MACROD2: variants seen among roughly 807,000 people sequenced by gnomAD.
MACROD2 encodes the protein mono-ADP ribosylhydrolase 2, also known as ADP-ribose glycohydrolase MACROD2.
In MACROD2, 36 loss-of-function variants were observed where a neutral mutation model predicts 70.4. The ratio of observed to expected loss-of-function variants is 0.51; its 90% CI spans 0.39 to 0.68. The LOEUF (loss-of-function observed/expected upper bound fraction) is 0.68, where lower values mean the gene tolerates loss of function less well. Ranked by LOEUF, MACROD2 falls within the 30% of genes least tolerant of loss-of-function variation. The pLI is 0.00. For missense variants in MACROD2, 496 were observed against 538.4 expected, an observed-to-expected ratio of 0.92 and a Z score of 0.78; for synonymous variants, 172 against 178.8, an observed-to-expected ratio of 0.96 and a Z score of 0.30.
Position 14,002,319 on chromosome 20 carries a change from A to C in MACROD2, c.78A>C (p.Arg26Ser). The C allele has an allele frequency of 6.2e-7, 1 of 1,608,900 alleles. No individual in the cohort carries two copies. The highest frequency in any genetic ancestry group is 8.5e-7 in the Non-Finnish European group (1 of 1,178,152). ...ERLLKMTLEE[R>S]RKEYLRDYIP... Reference sequence around the variant, plus strand: ...TATTGAAGATGACCTTAGAAGAGAGACGCAAAGAATACCTAAGAGACTATA... The same window carrying C: ...TATTGAAGATGACCTTAGAAGAGAGCCGCAAAGAATACCTAAGAGACTATA... Residue 26 changes from arginine (R) to serine (S), a missense_variant, in exon 2 of 18, where the codon AGA becomes AGC. By Grantham distance (110) the Arg-to-Ser change is moderately radical. Transcript: ENST00000684519.
chr20:15,010,102 C>G (rs190283471), intron 5 of MACROD2, among the ~76,000 whole-genome samples: 18 of 152,100 alleles, frequency 1.2e-4, no homozygotes, highest in African/African-American at 4.3e-4. Flanking sequence ...GAGGGGTATG[C>G]CATGATGATA....
chr20:14,455,104 T>C (rs915844099), intron 3 of MACROD2, among the ~76,000 whole-genome samples: 11 of 151,826 alleles, frequency 7.2e-5, no homozygotes, highest in African/African-American at 2.4e-4. Flanking sequence ...ACAAAACACA[T>C]ACAAATATGA....
At chr20:15,596,865 A>G (rs1210005545) in intron 8 of MACROD2, among the ~76,000 whole-genome samples, 4 of 152,160 alleles carry the variant, frequency 2.6e-5, no homozygotes, top group African/African-American at 7.2e-5. Context: ...AATCATTGCA[A>G]ATTCTGAATA....
chr20:14,653,074 C>A (rs1286164378), intron 4 of MACROD2, among the ~76,000 whole-genome samples: 1 of 152,170 alleles, frequency 6.6e-6, no homozygotes, highest in Admixed American at 6.5e-5. Context: ...GGCCATATAA[C>A]TCATATCACT....
At chr20:15,076,356 A>T (rs390836) in intron 5 of MACROD2, among the ~76,000 whole-genome samples, 98,319 of 151,996 alleles carry the variant, frequency 0.65, 32,167 homozygotes, top group African/African-American at 0.74. Context: ...TTATAATAAA[A>T]CATTGTCTGA....
intron 5 of MACROD2, among the ~76,000 whole-genome samples, chr20:14,969,370 A>T (rs1244716818): frequency 6.9e-6 from 1 of 143,934 alleles, no homozygotes; most frequent in African/African-American, 2.9e-5. Context: ...TTACACACAC[A>T]CACACACACA....
chr20:15,894,976 G>A (rs1014885449), intron 10 of MACROD2, among the ~76,000 whole-genome samples: 29 of 152,144 alleles, frequency 1.9e-4, no homozygotes, highest in African/African-American at 6.5e-4. Context: ...ATGAGCTGGG[G>A]CAAAGCAATA....
At chr20:15,916,952 G>T (rs1451191378) in intron 10 of MACROD2, among the ~76,000 whole-genome samples, 1 of 151,936 alleles carries the variant, frequency 6.6e-6, no homozygotes, top group African/African-American at 2.4e-5. Context: ...TTTTGGCTTT[G>T]TGGGCCACAT....
chr20:14,935,246 G>A (rs543512896), intron 5 of MACROD2: 1 of 152,188 alleles, frequency 6.6e-6, no homozygotes, highest in South Asian at 2.1e-4. Flanking sequence ...ACCTTAGAAA[G>A]ATTCTAAATG....
At chr20:14,918,876 T>C (rs1281107439) in intron 5 of MACROD2, among the ~76,000 whole-genome samples, 2 of 152,166 alleles carry the variant, frequency 1.3e-5, no homozygotes, top group Non-Finnish European at 2.9e-5. Flanking sequence ...CAATCAGCTG[T>C]ATGTATGTCT....
chr20:15,743,155 T>C (rs1267998278), intron 8 of MACROD2, among the ~76,000 whole-genome samples: 1 of 152,198 alleles, frequency 6.6e-6, no homozygotes, highest in Non-Finnish European at 1.5e-5. Context: ...CTGGCTGAGT[T>C]ATTAGGCCTC....
chr20:15,460,301 T>C (rs1013834938), intron 7 of MACROD2, among the ~76,000 whole-genome samples: 5 of 152,174 alleles, frequency 3.3e-5, no homozygotes, highest in African/African-American at 1.2e-4. Context: ...CCAGGACCAA[T>C]TGGCAACATC....
chr20:15,834,049 C>G (rs1184277856), intron 8 of MACROD2, among the ~76,000 whole-genome samples: 2 of 152,124 alleles, frequency 1.3e-5, no homozygotes, highest in African/African-American at 4.8e-5. Context: ...GATTATCTAC[C>G]CAGCTCTTTG....
At chr20:15,294,738 C>T (rs2077571122) in intron 6 of MACROD2, among the ~76,000 whole-genome samples, 1 of 152,216 alleles carries the variant, frequency 6.6e-6, no homozygotes, top group South Asian at 2.1e-4. Flanking sequence ...ACCTTTGTCT[C>T]TTCCTTCCCC....
rs115825331 is a variant in MACROD2, at chr20:15,381,136, G to C, written c.541-50269G>C. Among the ~76,000 whole-genome samples, 512 of 151,958 alleles carry C rather than the reference G, an allele frequency of 3.4e-3. 3 individuals are homozygous for C. Among genetic ancestry groups the C allele is most frequent in the African/African-American group, 0.012 (492 of 41,444 alleles). On this transcript the variant is annotated intron_variant, in intron 6 of 17. Transcript: ENST00000684519. ...AAAGAGTATTATATATTTTATTATTGACTATGAGTTGTATGCTATACCTCT... is the reference window on the plus strand; with the variant it reads ...AAAGAGTATTATATATTTTATTATTCACTATGAGTTGTATGCTATACCTCT...
At chr20:15,507,427 CCTTT>C (rs2047440965) in intron 8 of MACROD2, among the ~76,000 whole-genome samples, 1 of 150,374 alleles carries the variant, frequency 6.7e-6, no homozygotes, top group African/African-American at 2.4e-5. Flanking sequence ...CTCCTTCCTT[CCTTT>C]CTTCCTTCCT....
intron 5 of MACROD2, among the ~76,000 whole-genome samples, chr20:15,007,418 C>T (rs550574562): frequency 2.4e-4 from 37 of 151,884 alleles, no homozygotes; most frequent in Non-Finnish European, 4.4e-4. Context: ...AATTCTCACA[C>T]TGCCCTGTCA....
intron 5 of MACROD2, among the ~76,000 whole-genome samples, chr20:15,014,681 A>G (rs1421598052): frequency 6.6e-6 from 1 of 152,156 alleles, no homozygotes; most frequent in Non-Finnish European, 1.5e-5. Context: ...GTGTGAGTGT[A>G]TGTGTGCATT....
intron 3 of MACROD2, among the ~76,000 whole-genome samples, chr20:14,105,040 T>G (rs1199088166): frequency 6.6e-6 from 1 of 152,184 alleles, no homozygotes; most frequent in Non-Finnish European, 1.5e-5. Context: ...CAACCTTATT[T>G]GGAATATTCC....
Sources: gnomAD v4.1 joint callset for allele counts (sites outside exome capture counted in the v4.1 genomes callset) on GRCh38, gnomAD v4.1.1 for gene constraint, MANE v1.5 for transcripts, NCBI Gene and HGNC (gene_info 2026-07-23, HGNC 2026-07-21) for gene names.